The following PCDHA8 variants were observed in gnomAD, a reference collection of about 807,000 sequenced individuals.
PCDHA8 encodes protocadherin alpha-8.
A neutral mutation model predicts 61.8 loss-of-function variants in PCDHA8; 53 were observed. The observed-to-expected ratio is 0.86, with a 90% CI of 0.69 to 1.08. The LOEUF is 1.08. Ranked by LOEUF, PCDHA8 falls within the 50% of genes least tolerant of loss-of-function variation. PCDHA8 has a pLI of 0.00. For missense variants in PCDHA8, 1,293 were observed against 1,245.0 expected (o/e 1.04, Z -0.58); for synonymous variants, 618 against 556.6 (o/e 1.11, Z -1.55).
rs140634296 is a variant in PCDHA8 at position 140,850,279 on chromosome 5, G to T, written c.2394+6564G>T. Reference sequence around the variant, plus strand: ...GCCGGCGTAGTGGTGGGGAAGGTGCGCGCAGTGGACGCCGACTCGGGCTAC... The same window carrying T: ...GCCGGCGTAGTGGTGGGGAAGGTGCTCGCAGTGGACGCCGACTCGGGCTAC... On this transcript the variant is annotated intron_variant, in intron 1 of 3. Transcript: ENST00000531613. The T allele has an allele frequency of 5.0e-6, 8 of 1,595,454 alleles. 2 individuals are homozygous for T. The highest frequency in any genetic ancestry group is 1.1e-5 in the South Asian group (1 of 90,466).
chr5:140,918,989 GTGT>G (rs2078966617), intron 1 of PCDHA8, among the ~76,000 whole-genome samples: 1 of 152,178 alleles, frequency 6.6e-6, no homozygotes, highest in Non-Finnish European at 1.5e-5. Context: ...TTGGTTTTTA[GTGT>G]TGTTCACATC....
chr5:140,927,499 C>G (rs781977423), intron 1 of PCDHA8: 1 of 1,614,136 alleles, frequency 6.2e-7, no homozygotes, highest in Admixed American at 1.7e-5. Context: ...CCTGCTGGTG[C>G]TTACAGCTCG....
intron 1 of PCDHA8, among the ~76,000 whole-genome samples, chr5:140,902,368 A>G (rs1554190412): frequency 6.6e-6 from 1 of 151,696 alleles, no homozygotes; most frequent in Admixed American, 6.6e-5. Flanking sequence ...TCTCTTGTCT[A>G]ATTGCTCTAG....
intron 1 of PCDHA8, among the ~76,000 whole-genome samples, chr5:140,940,084 A>G (rs1320170233): frequency 1.3e-5 from 2 of 152,202 alleles, no homozygotes; most frequent in East Asian, 3.8e-4. Context: ...TCTTTCTGCT[A>G]AATTGAAACT....
intron 1 of PCDHA8, chr5:140,856,891 C>A: frequency 6.3e-7 from 1 of 1,596,046 alleles, no homozygotes; most frequent in Non-Finnish European, 8.6e-7. Flanking sequence ...ATTCATTTAG[C>A]TCTTTGGTCC....
At chr5:140,898,112 G>A (rs1308883558) in intron 1 of PCDHA8, among the ~76,000 whole-genome samples, 1 of 152,046 alleles carries the variant, frequency 6.6e-6, no homozygotes, top group African/African-American at 2.4e-5. Flanking sequence ...TGAGTAGGTT[G>A]CGAAAATTTT....
chr5:140,869,552 C>G lies in PCDHA8; in HGVS notation c.2394+25837C>G, dbSNP rs537127263. ...ATTGCGGAATCTAAGCAATCGGACT[C>G]GCGTTTTCCACTAGAGGGAGCTTCT... On this transcript the variant is annotated intron_variant, in intron 1 of 3. Transcript: ENST00000531613. 12 of 1,614,022 alleles carry G rather than the reference C, an allele frequency of 7.4e-6. No homozygotes were observed. The African/African-American group carries it at 1.5e-4, about 20-fold the overall frequency.
chr5:140,914,302 A>G (rs1168032612), intron 1 of PCDHA8, among the ~76,000 whole-genome samples: 4 of 152,144 alleles, frequency 2.6e-5, no homozygotes, highest in African/African-American at 9.7e-5. Context: ...CTCTTGCTGA[A>G]TTGACCCCAT....
intron 1 of PCDHA8, among the ~76,000 whole-genome samples, chr5:140,919,272 T>C (rs1287919874): frequency 6.6e-6 from 1 of 152,258 alleles, no homozygotes; most frequent in Non-Finnish European, 1.5e-5. Context: ...GTGTAGTCAC[T>C]CCAGCTATCT....
chr5:140,857,139 T>A (rs1554149566), intron 1 of PCDHA8: 1 of 1,598,268 alleles, frequency 6.3e-7, no homozygotes, highest in South Asian at 1.1e-5. Context: ...GATGCTCAAG[T>A]GGGCACCGTC....
chr5:140,850,711 T>C (rs2150495553), intron 1 of PCDHA8: 1 of 1,597,796 alleles, frequency 6.3e-7, no homozygotes, highest in Non-Finnish European at 8.6e-7. Flanking sequence ...AAGCCGACGC[T>C]GGTGTGTTCT....
intron 1 of PCDHA8, chr5:140,969,130 C>A (rs1353677478): frequency 2.5e-6 from 4 of 1,614,132 alleles, no homozygotes; most frequent in Non-Finnish European, 1.7e-6. Context: ...GCTCCCTCAC[C>A]AAGACCTACT....
At chr5:140,950,065 G>A (rs1403260430) in intron 1 of PCDHA8, among the ~76,000 whole-genome samples, 1 of 151,574 alleles carries the variant, frequency 6.6e-6, no homozygotes, top group Non-Finnish European at 1.5e-5. Context: ...AGCTCTTCCT[G>A]TGCCATTGCT....
chr5:140,849,589 T>G, intron 1 of PCDHA8: 1 of 1,598,710 alleles, frequency 6.3e-7, no homozygotes, highest in Non-Finnish European at 8.6e-7. Context: ...GACGCACAAC[T>G]GGGGACAGTT....
intron 1 of PCDHA8, chr5:140,848,229 G>T: frequency 2.5e-6 from 1 of 402,640 alleles, no homozygotes; most frequent in South Asian, 5.0e-5. Flanking sequence ...TTAAGAAAAT[G>T]AAATAAGTTT....
intron 1 of PCDHA8, chr5:140,967,255 T>G (rs202164321): frequency 2.5e-6 from 4 of 1,613,342 alleles, no homozygotes; most frequent in Non-Finnish European, 3.4e-6. Context: ...CGGTGGCGCC[T>G]GGAGCGCGCT....
intron 1 of PCDHA8, chr5:140,928,897 G>C: frequency 6.2e-7 from 1 of 1,614,186 alleles, no homozygotes. Flanking sequence ...AGACTTTGAA[G>C]ATGTCTGGGA....
chr5:140,927,420 G>A (rs782549245), intron 1 of PCDHA8: 5 of 1,614,108 alleles, frequency 3.1e-6, no homozygotes, highest in Non-Finnish European at 4.2e-6. Flanking sequence ...TGGGATCGCG[G>A]GTTGACGGCA....
At chr5:140,993,817 T>C (rs1467199618) in intron 3 of PCDHA8, among the ~76,000 whole-genome samples, 2 of 152,240 alleles carry the variant, frequency 1.3e-5, no homozygotes, top group Non-Finnish European at 2.9e-5. Context: ...CTAGGAGCAA[T>C]AGGCTATACC....
Sources: gnomAD v4.1 joint callset for allele counts (sites outside exome capture counted in the v4.1 genomes callset) on GRCh38, gnomAD v4.1.1 for gene constraint, MANE v1.5 for transcripts, NCBI Gene and HGNC (gene_info 2026-07-23, HGNC 2026-07-21) for gene names.